Variants in MTCL1 observed in about 807,000 individuals in gnomAD.
MTCL1 encodes the protein microtubule cross-linking factor 1.
In MTCL1, 79 loss-of-function variants were observed where a neutral mutation model predicts 141.4. That is an observed-to-expected ratio of 0.56 (90% CI 0.47 to 0.67). MTCL1 has a LOEUF of 0.67. MTCL1 is among the 30% of genes least tolerant of loss of function. The probability of loss-of-function intolerance (pLI) is 0.00; values close to 1 mark genes in which losing one functional copy is unlikely to be tolerated. For synonymous variants in MTCL1, 914 were observed against 875.8 expected, an observed-to-expected ratio of 1.04 and a Z score of -0.77; for missense variants, 2,177 against 2,113.9, an observed-to-expected ratio of 1.03 and a Z score of -0.59.
rs2096057821 is a variant in MTCL1 at position 8,706,144 on chromosome 18, G to A, written c.484G>A (p.Ala162Thr). 2.5e-6 allele frequency: 3 copies of A among 1,218,602 alleles called. No individual in the cohort carries two copies. The Admixed American group carries it at 1.3e-4, about 53-fold the overall frequency. 75.5% of individuals were successfully genotyped at this position (1,218,602 alleles called of 1,614,324 possible). A position where few individuals can be genotyped will look rare whatever the true frequency, so the allele number is the denominator to read the frequency against. Residue 162 changes from alanine (A) to threonine (T), a missense_variant, in exon 1 of 14, where the codon GCC (alanine) becomes ACC (threonine). By Grantham distance (58) the Ala-to-Thr change is moderately conservative. Coordinates refer to the MTCL1 transcript ENST00000306329. Reference sequence around the variant, plus strand: ...GTCTGCCGCTGCCAAGGGCCGCAAAGCCAAGCGCGGCTCCCGGGCGCCACC... The same window carrying A: ...GTCTGCCGCTGCCAAGGGCCGCAAAACCAAGCGCGGCTCCCGGGCGCCACC...
intron 10 of MTCL1, chr18:8,800,672 C>G: frequency 6.7e-6 from 1 of 149,978 alleles, no homozygotes; most frequent in African/African-American, 2.5e-5. Context: ...TCCTTGAGCT[C>G]CAAGACTCAC....
intron 4 of MTCL1, among the ~76,000 whole-genome samples, chr18:8,770,668 C>G (rs1210798626): frequency 6.6e-6 from 1 of 152,174 alleles, no homozygotes; most frequent in Non-Finnish European, 1.5e-5. Flanking sequence ...TAGTCCATAA[C>G]AGATGTGTAA....
At chr18:8,735,050 C>T (rs1487575457) in intron 4 of MTCL1, among the ~76,000 whole-genome samples, 1 of 152,168 alleles carries the variant, frequency 6.6e-6, no homozygotes, top group African/African-American at 2.4e-5. Context: ...TGACCTCTGT[C>T]CATCAAAGCC....
At chr18:8,821,406 A>G in intron 13 of MTCL1, 61 bp from the exon 13 acceptor site, 1 of 1,092,038 alleles carries the variant, frequency 9.2e-7, no homozygotes. Flanking sequence ...ACTTAAGTAC[A>G]TTCAGGGCTT....
chr18:8,706,216 G>A (rs1160584023), exon 1 of MTCL1: 2 of 1,227,464 alleles, frequency 1.6e-6, no homozygotes, highest in Non-Finnish European at 1.0e-6. Flanking sequence ...GATCCCTGCC[G>A]TGACCCTCGC....
exon 15 of MTCL1, chr18:8,825,419 A>G (rs1358579968): frequency 6.5e-7 from 1 of 1,548,770 alleles, no homozygotes; most frequent in African/African-American, 1.4e-5. Flanking sequence ...GCGAGCTGCA[A>G]GTCAAGGACA....
intron 4 of MTCL1, among the ~76,000 whole-genome samples, chr18:8,758,645 G>T (rs901886679): frequency 6.6e-6 from 1 of 152,142 alleles, no homozygotes; most frequent in Admixed American, 6.5e-5. Context: ...GTGTGACTGC[G>T]TTCCTTTGTG....
chr18:8,764,732 G>A (rs536198752), intron 4 of MTCL1, among the ~76,000 whole-genome samples: 38 of 152,156 alleles, frequency 2.5e-4, no homozygotes, highest in East Asian at 3.9e-4. Context: ...TTTTACCCAC[G>A]TAGCCTGGGC....
At chr18:8,719,667 A>G (rs1283943108) in intron 3 of MTCL1, among the ~76,000 whole-genome samples, 2 of 151,882 alleles carry the variant, frequency 1.3e-5, no homozygotes, top group African/African-American at 4.8e-5. Flanking sequence ...GGCTCAAGCA[A>G]CCCTCCCATC....
At chr18:8,732,917 T>C (rs1338749676) in intron 4 of MTCL1, among the ~76,000 whole-genome samples, 2 of 152,142 alleles carry the variant, frequency 1.3e-5, no homozygotes, top group African/African-American at 2.4e-5. Context: ...GAGCAGGAAA[T>C]GGGGAGGGCA....
chr18:8,748,781 A>G (rs1176199816), intron 4 of MTCL1, among the ~76,000 whole-genome samples: 2 of 152,126 alleles, frequency 1.3e-5, no homozygotes. Context: ...GTCTTTCGGG[A>G]TGAAGTCACT....
chr18:8,819,728 G>A (rs1268160463), intron 13 of MTCL1, among the ~76,000 whole-genome samples: 1 of 152,044 alleles, frequency 6.6e-6, no homozygotes, highest in Non-Finnish European at 1.5e-5. Context: ...TCAGCCTCCT[G>A]AGTAGCTGGG....
At chr18:8,774,344 C>T (rs1203984081) in intron 4 of MTCL1, among the ~76,000 whole-genome samples, 1 of 151,942 alleles carries the variant, frequency 6.6e-6, no homozygotes, top group African/African-American at 2.4e-5. Flanking sequence ...AACATGGCGT[C>T]TTTATTACAA....
intron 4 of MTCL1, among the ~76,000 whole-genome samples, chr18:8,726,490 AGAGAGCGCGCGCGCGCGCAAGAGCGAGC>A (rs1208619996): frequency 8.8e-6 from 1 of 113,300 alleles, no homozygotes; most frequent in Non-Finnish European, 1.7e-5. Context: ...AGAGAGAGAG[AGAGAGCGCGCGCGCGCGCAAGAGCGAGC>A]GAGAGAGAGC....
chr18:8,765,078 C>T (rs560036523), intron 4 of MTCL1, among the ~76,000 whole-genome samples: 3 of 152,312 alleles, frequency 2.0e-5, no homozygotes, highest in Admixed American at 6.5e-5. Context: ...AGTTGATACC[C>T]GGTGGGATGA....
At chr18:8,787,112 G>A (rs894109249) in intron 7 of MTCL1, 10 of 152,334 alleles carry the variant, frequency 6.6e-5, no homozygotes, top group African/African-American at 2.2e-4. Flanking sequence ...TGTGTAACCT[G>A]GAGCAGTGAT....
At chr18:8,755,412 G>A (rs535701742) in intron 4 of MTCL1, among the ~76,000 whole-genome samples, 10 of 152,296 alleles carry the variant, frequency 6.6e-5, no homozygotes, top group South Asian at 2.1e-4. Context: ...TGGCGAGGTC[G>A]TTCTTTGGCC....
chr18:8,809,500 C>T, intron 11 of MTCL1: 1 of 1,536,078 alleles, frequency 6.5e-7, no homozygotes, highest in Non-Finnish European at 8.7e-7. Flanking sequence ...TTAGGCTTCA[C>T]CAGGCTGCCA....
chr18:8,770,803 A>G (rs2096482380), intron 4 of MTCL1, among the ~76,000 whole-genome samples: 1 of 152,150 alleles, frequency 6.6e-6, no homozygotes, highest in South Asian at 2.1e-4. Flanking sequence ...ATTATTGCTA[A>G]GGAGGGTTTT....
Sources: allele counts gnomAD v4.1 joint callset (sites outside exome capture counted in the v4.1 genomes callset), GRCh38; gene constraint gnomAD v4.1.1; transcripts MANE v1.5; gene names NCBI Gene and HGNC (gene_info 2026-07-23, HGNC 2026-07-21).